The following IL1RAPL2 variants were observed in gnomAD, a reference collection of about 807,000 sequenced individuals.
IL1RAPL2 encodes interleukin 1 receptor accessory protein like 2.
IL1RAPL2 carries 3 observed loss-of-function variants against 44.1 expected under a neutral mutation model. The ratio of observed to expected loss-of-function variants is 0.07; its 90% CI spans 0.03 to 0.18. IL1RAPL2 has a LOEUF of 0.18. Ranked by LOEUF, IL1RAPL2 falls within the 10% of genes least tolerant of loss-of-function variation. The pLI is 1.00. For missense variants in IL1RAPL2, 391 were observed against 496.4 expected, an observed-to-expected ratio of 0.79 and a Z score of 2.02; for synonymous variants, 181 against 178.8, an observed-to-expected ratio of 1.01 and a Z score of -0.10.
chrX:105,086,041 G>C (rs1214158819), intron 2 of IL1RAPL2, among the ~76,000 whole-genome samples: 1 of 111,373 alleles, frequency 9.0e-6, no homozygotes, highest in Non-Finnish European at 1.9e-5. Context: ...TGGTTGCAGA[G>C]TTGGAGGAAC....
At chrX:104,686,808 C>T (rs761582949) in intron 2 of IL1RAPL2, among the ~76,000 whole-genome samples, 5 of 112,184 alleles carry the variant, frequency 4.5e-5, no homozygotes, top group South Asian at 7.4e-4. Context: ...TTTAAACCAA[C>T]GTTCTCAAGG....
intron 2 of IL1RAPL2, among the ~76,000 whole-genome samples, chrX:105,076,980 G>A (rs771268193): frequency 9.0e-6 from 1 of 111,143 alleles, no homozygotes; most frequent in East Asian, 2.8e-4. Flanking sequence ...ACACTGATGG[G>A]TCTTGACTCT....
At chrX:104,645,033 A>G (rs780907079) in intron 1 of IL1RAPL2, among the ~76,000 whole-genome samples, 1 of 111,605 alleles carries the variant, frequency 9.0e-6, no homozygotes, top group East Asian at 2.8e-4. Context: ...TTCTTGAAAT[A>G]TGCTATTCCC....
intron 2 of IL1RAPL2, among the ~76,000 whole-genome samples, chrX:104,852,527 A>C (rs1922253876): frequency 8.9e-6 from 1 of 112,362 alleles, no homozygotes; most frequent in Non-Finnish European, 1.9e-5. Context: ...GGTTTTTAAC[A>C]CAAGCAACTC....
intron 2 of IL1RAPL2, among the ~76,000 whole-genome samples, chrX:104,797,970 A>G (rs1602732354): frequency 1.8e-5 from 2 of 111,999 alleles, no homozygotes; most frequent in East Asian, 5.6e-4. Context: ...ATGACCCAGC[A>G]AGATAGATTG....
chrX:105,363,277 GTATA>G (rs1186214852), intron 5 of IL1RAPL2, among the ~76,000 whole-genome samples: 5 of 81,082 alleles, frequency 6.2e-5, no homozygotes, highest in African/African-American at 2.0e-4. Context: ...ATATATGTGT[GTATA>G]TATATATAAT....
chrX:105,463,551 CTCTG>C (rs1221629659), intron 5 of IL1RAPL2, among the ~76,000 whole-genome samples: 1 of 66,247 alleles, frequency 1.5e-5, no homozygotes, highest in Non-Finnish European at 2.9e-5. Flanking sequence ...CTGTCTGTCT[CTCTG>C]TCTCTCTCTC....
intron 6 of IL1RAPL2, among the ~76,000 whole-genome samples, chrX:105,679,026 CTT>C (rs745850163): frequency 4.1e-4 from 39 of 94,835 alleles, no homozygotes; most frequent in Admixed American, 6.9e-4. Context: ...AAAAGTTTCT[CTT>C]TTTTTTTTTT....
chrX:105,532,841 A>G (rs1460614715), intron 6 of IL1RAPL2, among the ~76,000 whole-genome samples: 4 of 111,359 alleles, frequency 3.6e-5, no homozygotes, highest in Non-Finnish European at 5.6e-5. Flanking sequence ...GGTATTTCAT[A>G]TATACATACA....
chrX:104,933,618 G>T (rs1318280695), intron 2 of IL1RAPL2, among the ~76,000 whole-genome samples: 1 of 111,296 alleles, frequency 9.0e-6, no homozygotes, highest in Non-Finnish European at 1.9e-5. Flanking sequence ...TGGTAGGAAG[G>T]TATTCTGGGT....
intron 1 of IL1RAPL2, among the ~76,000 whole-genome samples, chrX:104,585,354 A>T (rs1364354662): frequency 2.5e-4 from 3 of 12,149 alleles, no homozygotes; most frequent in Non-Finnish European, 3.8e-4. Flanking sequence ...TATATATATT[A>T]TATATATTAT....
intron 5 of IL1RAPL2, among the ~76,000 whole-genome samples, chrX:105,322,050 A>G (rs1265767093): frequency 8.9e-6 from 1 of 112,930 alleles, no homozygotes; most frequent in Non-Finnish European, 1.9e-5. Flanking sequence ...TTGGGGTGCA[A>G]ATAAATCATC....
At position 105,260,423 on chromosome X, in the gene IL1RAPL2, G is replaced by A. The variant is rs188066068; in HGVS notation, c.544-6965G>A. 4.5e-5 allele frequency among the ~76,000 whole-genome samples: 5 copies of A among 111,953 alleles called. No individual in the cohort carries two copies. The South Asian group carries it at 1.1e-3, about 25-fold the overall frequency. ...GGGACTCACTGAAAGAAGCAGTCTC[G>A]CCACATTTTAGTAGAGCAGCTGTTT... On this transcript the variant is annotated intron_variant, in intron 4 of 10. Transcript: ENST00000372582.
chrX:105,740,518 T>G, intron 7 of IL1RAPL2, 28 bp from the exon 8 acceptor site: 1 of 1,203,168 alleles, frequency 8.3e-7, no homozygotes, highest in South Asian at 1.8e-5. Flanking sequence ...TCAAGCCAAT[T>G]CAGCCAAGAA....
intron 3 of IL1RAPL2, among the ~76,000 whole-genome samples, chrX:105,226,141 T>G (rs2147631080): frequency 9.0e-6 from 1 of 111,439 alleles, no homozygotes; most frequent in South Asian, 3.8e-4. Flanking sequence ...GGGGTTCTTC[T>G]GTAATACAAC....
chrX:104,582,313 A>G (rs1302771398), intron 1 of IL1RAPL2, among the ~76,000 whole-genome samples: 2 of 112,003 alleles, frequency 1.8e-5, no homozygotes, highest in Non-Finnish European at 3.8e-5. Flanking sequence ...CCAACTAGCA[A>G]ACAGGATGTG....
chrX:104,927,848 T>C (rs1924809297), intron 2 of IL1RAPL2, among the ~76,000 whole-genome samples: 1 of 111,746 alleles, frequency 8.9e-6, no homozygotes, highest in Non-Finnish European at 1.9e-5. Flanking sequence ...ACAAATGGCA[T>C]TGTTACTCCT....
intron 6 of IL1RAPL2, among the ~76,000 whole-genome samples, chrX:105,627,859 C>A (rs1446796682): frequency 3.6e-5 from 4 of 112,099 alleles, no homozygotes; most frequent in Non-Finnish European, 7.5e-5. Flanking sequence ...GGTGGCTTCA[C>A]AAAGTCAGCT....
intron 1 of IL1RAPL2, among the ~76,000 whole-genome samples, chrX:104,639,151 T>C (rs758051009): frequency 5.4e-5 from 6 of 112,107 alleles, no homozygotes; most frequent in African/African-American, 1.9e-4. Flanking sequence ...TTCAAGTCTG[T>C]TTGATATAAG....
Sources: allele counts gnomAD v4.1 joint callset (sites outside exome capture counted in the v4.1 genomes callset), GRCh38; gene constraint gnomAD v4.1.1; transcripts MANE v1.5; gene names NCBI Gene and HGNC (gene_info 2026-07-23, HGNC 2026-07-21).